BCL9L: variants seen among roughly 807,000 people sequenced by gnomAD.
The protein encoded by BCL9L is B-cell CLL/lymphoma 9-like protein.
A neutral mutation model predicts 99.4 loss-of-function variants in BCL9L; 19 were observed. That is an observed-to-expected ratio of 0.19 (90% CI 0.13 to 0.28). The LOEUF (loss-of-function observed/expected upper bound fraction) is 0.28, where lower values mean the gene tolerates loss of function less well. Among genes scored for constraint, BCL9L ranks in the 10% least tolerant of loss-of-function variants. The pLI is 1.00. For synonymous variants in BCL9L, 900 were observed against 854.8 expected (o/e 1.05, Z -0.92); for missense variants, 2,023 against 2,101.6 (o/e 0.96, Z 0.73).
In BCL9L at chr11:118,903,523, C is replaced by G. The variant is rs1940382532; in HGVS notation, c.533-71G>C. 6.8e-7 allele frequency: 1 copy of G among 1,478,836 alleles called. No individual in the cohort carries two copies. Among genetic ancestry groups the G allele is most frequent in the African/African-American group, 1.4e-5 (1 of 72,050 alleles). 91.6% of individuals were successfully genotyped at this position (1,478,836 alleles called of 1,614,324 possible). On this transcript the variant is annotated intron_variant, in intron 5 of 9. Transcript: ENST00000683865. The surrounding 1 kb of genome is among the most constrained non-coding windows in gnomAD (Gnocchi z 5.6). ...AGAAGGACCAGCTGATGCCCCCTCC[C>G]ACTGATGCTCACAGCCTTACAGCTC... is the stretch of plus-strand genomic sequence containing the variant.
intron 1 of BCL9L, among the ~76,000 whole-genome samples, chr11:118,919,678 C>G (rs949682284): frequency 6.6e-6 from 1 of 152,158 alleles, no homozygotes; most frequent in Admixed American, 6.5e-5. Context: ...ACTTAACCCT[C>G]TCCAGCCTGT....
At chr11:118,919,573 C>T (rs1228323306) in intron 1 of BCL9L, among the ~76,000 whole-genome samples, 3 of 151,894 alleles carry the variant, frequency 2.0e-5, no homozygotes, top group Non-Finnish European at 4.4e-5. Context: ...AGTTCTTTTC[C>T]GAAGAATTCT....
In BCL9L at chr11:118,908,434, T is replaced by A; in HGVS notation, c.248A>T (p.Lys83Met). 6.2e-7 allele frequency: 1 copy of A among 1,614,142 alleles called. No individual in the cohort carries two copies. The highest frequency in any genetic ancestry group is 8.5e-7 in the Non-Finnish European group (1 of 1,179,972). ...KGVGAGNHGAKANQISPSNSS... is the reference protein window; with the variant it reads ...KGVGAGNHGAMANQISPSNSS... The stretch of plus-strand genomic sequence containing the variant: ...GTTGCTAGGCGAGATCTGGTTGGCC[T>A]TGGCCCCATGGTTCCCCGCCCCCAC... Residue 83 changes from lysine (K) to methionine (M), a missense_variant, in exon 4 of 10, where the codon AAG becomes ATG. Lys to Met is a moderately conservative substitution (Grantham distance 95, BLOSUM62 -1). Coordinates refer to ENST00000683865, the MANE Select transcript of BCL9L (RefSeq NM_001378213.1).
chr11:118,916,625 C>A (rs112664653), intron 2 of BCL9L, among the ~76,000 whole-genome samples: 1,946 of 152,328 alleles, frequency 0.013, 47 homozygotes, highest in African/African-American at 0.045. Flanking sequence ...CTGATATTAC[C>A]CCACTCCCCT....
At chr11:118,916,862 C>A (rs1471373195) in intron 2 of BCL9L, among the ~76,000 whole-genome samples, 1 of 152,238 alleles carries the variant, frequency 6.6e-6, no homozygotes, top group Non-Finnish European at 1.5e-5. Context: ...GTCCCTGACC[C>A]CTAGGCCAGG....
chr11:118,909,983 G>A lies in BCL9L; in HGVS notation c.-44C>T, dbSNP rs373289537. On this transcript the variant is annotated 5_prime_UTR_variant, in exon 3 of 10. Transcript: ENST00000683865. ...GGCTACGGCCCCTGTGCGTGCCCAG[G>A]GCCCAGCCAGGTACTCGGTACTGGA... 7 of 1,613,638 alleles carry A rather than the reference G, an allele frequency of 4.3e-6. No individual in the cohort carries two copies. The highest frequency in any genetic ancestry group is 5.9e-6 in the Non-Finnish European group (7 of 1,179,784).
At position 118,903,405 on chromosome 11, in the gene BCL9L, C is replaced by T. The variant is rs750234396; in HGVS notation, c.580G>A (p.Gly194Ser). 27 of 1,612,304 alleles carry T rather than the reference C, an allele frequency of 1.7e-5. No homozygotes were observed. The highest frequency in any genetic ancestry group is 2.3e-5 in the Non-Finnish European group (27 of 1,179,422). The change falls in exon 6 of 10, where the codon GGC becomes AGC. Residue 194 changes from glycine to serine, a missense_variant. Around this residue, in one of 3 missense-constraint regions of BCL9L, gnomAD observed 1,116 missense variants for 1,194.6 expected, o/e 0.93. Transcript: ENST00000683865. This position sits in a 1 kb window ranked among gnomAD's most constrained non-coding sequence, Gnocchi z 5.6. ...PAMAAPQLGP[G>S]QTTQLPLSES... ...CTGAGGGGCAGTTGGGTGGTTTGGCCGGGACCCAGCTGTGGGGCCGCCATG... is the reference window on the plus strand; with the variant it reads ...CTGAGGGGCAGTTGGGTGGTTTGGCTGGGACCCAGCTGTGGGGCCGCCATG...
At chr11:118,924,452 C>A (rs1941230016) in intron 1 of BCL9L, among the ~76,000 whole-genome samples, 1 of 151,892 alleles carries the variant, frequency 6.6e-6, no homozygotes, top group South Asian at 2.1e-4. Flanking sequence ...AGCTTCATTG[C>A]TCCAGAGAGA....
rs773975139 is a variant in BCL9L, at chr11:118,898,496, G to C, written c.4419C>G (p.Pro1473=). 30 of 1,602,076 alleles carry C rather than the reference G, an allele frequency of 1.9e-5. No individual in the cohort carries two copies. Among genetic ancestry groups the C allele is most frequent in the African/African-American group, 4.0e-5 (3 of 74,762 alleles). ...PPQQNLMVSH[P]LRQRSVSLDS... ...CCAGGGACACACTGCGCTGCCGAAG[G>C]GGGTGGGACACCATGAGGTTCTGCT... Residue 1473 remains proline (P), a synonymous_variant, in exon 10 of 10, where the codon CCC becomes CCG. Transcript: ENST00000683865.
At chr11:118,910,280 T>C in intron 2 of BCL9L, 5 of 298,802 alleles carry the variant, frequency 1.7e-5, no homozygotes, top group South Asian at 1.6e-4. Flanking sequence ...ACTAAAAGGC[T>C]AGGTAGCAAA....
rs1377562858 is a variant in BCL9L at position 118,914,723 on chromosome 11, T to A, written c.-77+4103A>T. 6.6e-6 allele frequency among the ~76,000 whole-genome samples: 1 copy of A among 152,160 alleles called. No individual in the cohort carries two copies. The highest frequency in any genetic ancestry group is 2.4e-5 in the African/African-American group (1 of 41,422). ...GAGCAGTGACAGGCAGGGTCCCCTG[T>A]CCCCAGGCCTCCTCTCCCACACCCA... On this transcript the variant is annotated intron_variant, in intron 2 of 9. Transcript: ENST00000683865. This position sits in a 1 kb window ranked among gnomAD's most constrained non-coding sequence, Gnocchi z 4.4.
At position 118,898,294 on chromosome 11, in the gene BCL9L, G is replaced by GCCCCCCACCCCCCCCCCCCCCCCC; in HGVS notation, c.*120_*121insGGGGGGGGGGGGGGGGGTGGGGGG. 4 of 452,312 alleles carry GCCCCCCACCCCCCCCCCCCCCCCC rather than the reference G, an allele frequency of 8.8e-6. No homozygotes were observed. Among genetic ancestry groups the GCCCCCCACCCCCCCCCCCCCCCCC allele is most frequent in the South Asian group, 2.1e-5 (1 of 47,946 alleles). 28.0% of individuals were successfully genotyped at this position (452,312 alleles called of 1,614,324 possible). A position where few individuals can be genotyped will look rare whatever the true frequency, so the allele number is the denominator to read the frequency against. On this transcript the variant is annotated 3_prime_UTR_variant, in exon 10 of 10. Coordinates refer to ENST00000683865, the MANE Select transcript of BCL9L (RefSeq NM_001378213.1). Reference sequence around the variant, plus strand: ...TCCACAAATGCCACTCCCTACACAAGCCCCCTCCCACCCCCTCCACCCCAC... The same window carrying GCCCCCCACCCCCCCCCCCCCCCCC: ...TCCACAAATGCCACTCCCTACACAAGCCCCCCACCCCCCCCCCCCCCCCCCCCCCTCCCACCCCCTCCACCCCAC...
chr11:118,907,615 G>T lies in BCL9L; in HGVS notation c.413-13C>A. 3 of 1,610,280 alleles carry T rather than the reference G, an allele frequency of 1.9e-6. No homozygotes were observed. The highest frequency in any genetic ancestry group is 2.5e-6 in the Non-Finnish European group (3 of 1,179,980). On this transcript the variant is annotated splice_polypyrimidine_tract_variant and intron_variant, in intron 4 of 9. Transcript: ENST00000683865. ...CGCGGCGCCACCTCTGCCCAGGCAG[G>T]ACGGAGGAAAGAGTGAGTGCCTAGA... is the stretch of plus-strand genomic sequence containing the variant.
chr11:118,904,994 T>C (rs1940447249), intron 5 of BCL9L, among the ~76,000 whole-genome samples: 1 of 152,210 alleles, frequency 6.6e-6, no homozygotes, highest in Non-Finnish European at 1.5e-5. Context: ...AGGAACTTTC[T>C]AGTACAATAA....
rs967772497 is a variant in BCL9L, at chr11:118,909,954, G to C, written c.-15C>G. On this transcript the variant is annotated 5_prime_UTR_variant, in exon 3 of 10. Transcript: ENST00000683865. ...AGGATCCTCATGGCTCCCACACACA[G>C]TGGGGCTACGGCCCCTGTGCGTGCC... is the stretch of plus-strand genomic sequence containing the variant. The C allele has an allele frequency of 3.1e-6, 5 of 1,613,946 alleles. No homozygotes were observed. Among genetic ancestry groups the C allele is most frequent in the East Asian group, 2.2e-5 (1 of 44,878 alleles).
At chr11:118,913,502 C>A (rs974459471) in intron 2 of BCL9L, among the ~76,000 whole-genome samples, 1 of 152,208 alleles carries the variant, frequency 6.6e-6, no homozygotes. Context: ...CAATCATGGC[C>A]TGGCAGTGGG....
chr11:118,902,258 C>A lies in BCL9L; in HGVS notation c.1485G>T (p.Gly495=). The A allele has an allele frequency of 6.2e-7, 1 of 1,602,800 alleles. No individual in the cohort carries two copies. The highest frequency in any genetic ancestry group is 8.5e-7 in the Non-Finnish European group (1 of 1,173,044). ...TCATGTTCATCTGCTGCCCCATGTCCCCACCCGGGGGGTGCCCAGGCACTT... is the reference window on the plus strand; with the variant it reads ...TCATGTTCATCTGCTGCCCCATGTCACCACCCGGGGGGTGCCCAGGCACTT... ...EHEVPGHPPG[G]DMGQQMNMMI... is the part of the protein sequence containing the mutation. The change falls in exon 8 of 10, where the codon GGG becomes GGT. Residue 495 remains glycine, a synonymous_variant. Transcript: ENST00000683865. The surrounding 1 kb of genome is among the most constrained non-coding windows in gnomAD (Gnocchi z 7.8).
Position 118,901,053 on chromosome 11 carries a change from T to C in BCL9L, c.2690A>G (p.Asn897Ser). Residue 897 changes from asparagine (N) to serine (S), a missense_variant, in exon 8 of 10, where the codon AAT (asparagine) becomes AGT (serine). By Grantham distance (46) the Asn-to-Ser change is conservative. Transcript: ENST00000683865. This position sits in a 1 kb window ranked among gnomAD's most constrained non-coding sequence, Gnocchi z 6.6. Reference protein sequence around the residue: ...LSHMPLPPASNPPGTVHSAPN... With the variant: ...LSHMPLPPASSPPGTVHSAPN... ...GGCTGAATGCACGGTCCCAGGAGGA[T>C]TGGACGCAGGGGGCAGAGGCATGTG... 5.6e-6 allele frequency: 9 copies of C among 1,596,054 alleles called. No homozygotes were observed. The highest frequency in any genetic ancestry group is 2.2e-5 in the East Asian group (1 of 44,688).
Position 118,908,621 on chromosome 11 carries a change from T to C in BCL9L, c.61A>G (p.Ser21Gly), listed in dbSNP as rs11217085. The C allele has an allele frequency of 6.2e-7, 1 of 1,612,224 alleles. No homozygotes were observed. Among genetic ancestry groups the C allele is most frequent in the East Asian group, 2.2e-5 (1 of 44,864 alleles). The change falls in exon 4 of 10, where the codon AGC (serine) becomes GGC (glycine). Residue 21 changes from serine (S) to glycine (G), a missense_variant. Around this residue, in one of 3 missense-constraint regions of BCL9L, gnomAD observed 1,116 missense variants for 1,194.6 expected, o/e 0.93. Coordinates refer to ENST00000683865, the MANE Select transcript of BCL9L (RefSeq NM_001378213.1). ...TGACCGCGGGGGGACAGCGGCGGGCTCCCTGGAGCTTCTCTCCTCCTGGGG... is the reference window on the plus strand; with the variant it reads ...TGACCGCGGGGGGACAGCGGCGGGCCCCCTGGAGCTTCTCTCCTCCTGGGG... ...PHPRRREAPG[S>G]PPLSPRGHCP...
Sources: gnomAD v4.1 joint callset for allele counts (sites outside exome capture counted in the v4.1 genomes callset) on GRCh38, gnomAD v4.1.1 for gene constraint, gnomAD v4.1.1 regional missense constraint, Gnocchi (gnomAD v3.1) non-coding constraint, MANE v1.5 for transcripts, NCBI Gene and HGNC (gene_info 2026-07-23, HGNC 2026-07-21) for gene names.